The following HS6ST3 variants were observed in gnomAD, a reference collection of about 807,000 sequenced individuals.
HS6ST3 encodes heparan sulfate 6-O-sulfotransferase 3, also known as heparan-sulfate 6-O-sulfotransferase 3.
A neutral mutation model predicts 36.7 loss-of-function variants in HS6ST3; 12 were observed. The ratio of observed to expected loss-of-function variants is 0.33; its 90% CI spans 0.21 to 0.53. The LOEUF is 0.53. Ranked by LOEUF, HS6ST3 falls within the 20% of genes least tolerant of loss-of-function variation. HS6ST3 has a pLI of 0.95. For missense variants in HS6ST3, 584 were observed against 640.9 expected, an observed-to-expected ratio of 0.91 and a Z score of 0.96; for synonymous variants, 240 against 257.5, an observed-to-expected ratio of 0.93 and a Z score of 0.65.
intron 1 of HS6ST3, among the ~76,000 whole-genome samples, chr13:96,363,055 C>G (rs2055246154): frequency 6.6e-6 from 1 of 152,026 alleles, no homozygotes; most frequent in South Asian, 2.1e-4. Flanking sequence ...GCACAGGTGA[C>G]AGAATCGTTC....
intron 1 of HS6ST3, among the ~76,000 whole-genome samples, chr13:96,437,350 T>C (rs1455741117): frequency 6.6e-6 from 1 of 152,252 alleles, no homozygotes; most frequent in African/African-American, 2.4e-5. Context: ...CTGAGTATCA[T>C]CAGCTACTTT....
chr13:96,428,772 T>TCTTTTGGTTAAGATTCTCTG (rs534592744), intron 1 of HS6ST3, among the ~76,000 whole-genome samples: 248 of 152,342 alleles, frequency 1.6e-3, no homozygotes, highest in African/African-American at 5.8e-3. Flanking sequence ...TAACCAGGAA[T>TCTTTTGGTTAAGATTCTCTG]GCAAGTGCTC....
In HS6ST3 at chr13:96,191,392, G is replaced by T. The variant is rs139035598; in HGVS notation, c.707+99823G>T. On this transcript the variant is annotated intron_variant, in intron 1 of 1. Coordinates refer to ENST00000376705, the MANE Select transcript of HS6ST3 (RefSeq NM_153456.4). ...AAGAACACAGTCCTACTGTGCTACA[G>T]TCCTTGTAGTTCTTTGAATGTATCA... Among the ~76,000 whole-genome samples, 386 of 152,312 alleles carry T rather than the reference G, an allele frequency of 2.5e-3. 2 individuals are homozygous for T. Among genetic ancestry groups the T allele is most frequent in the South Asian group, 6.0e-3 (29 of 4,824 alleles).
intron 1 of HS6ST3, among the ~76,000 whole-genome samples, chr13:96,658,165 A>G (rs2056632142): frequency 6.6e-6 from 1 of 151,596 alleles, no homozygotes; most frequent in Non-Finnish European, 1.5e-5. Flanking sequence ...AGATTTATTC[A>G]CATTGTTGCA....
chr13:96,620,976 C>T (rs2056492845), intron 1 of HS6ST3, among the ~76,000 whole-genome samples: 1 of 152,138 alleles, frequency 6.6e-6, no homozygotes, highest in Admixed American at 6.5e-5. Flanking sequence ...CCAAGGAGCT[C>T]AGTCCTAGAC....
chr13:96,770,731 T>C (rs1453782080), intron 1 of HS6ST3, among the ~76,000 whole-genome samples: 1 of 152,242 alleles, frequency 6.6e-6, no homozygotes, highest in Admixed American at 6.5e-5. Flanking sequence ...AGTGCTCACT[T>C]TCATCAAGCT....
chr13:96,211,634 A>C (rs1027004875), intron 1 of HS6ST3, among the ~76,000 whole-genome samples: 3 of 152,196 alleles, frequency 2.0e-5, no homozygotes, highest in Admixed American at 2.0e-4. Context: ...ATATTTTCTT[A>C]TTCCAAAAAT....
chr13:96,331,795 C>T (rs1005523175), intron 1 of HS6ST3, among the ~76,000 whole-genome samples: 3 of 152,160 alleles, frequency 2.0e-5, no homozygotes, highest in African/African-American at 7.2e-5. Context: ...TGCCGCCTTG[C>T]AGTTTGATCT....
chr13:96,392,881 T>C (rs921407411), intron 1 of HS6ST3, among the ~76,000 whole-genome samples: 2 of 152,142 alleles, frequency 1.3e-5, no homozygotes, highest in African/African-American at 4.8e-5. Flanking sequence ...CATTAGCATA[T>C]TGTCATTCTG....
At chr13:96,465,335 AAT>A (rs2139494635) in intron 1 of HS6ST3, among the ~76,000 whole-genome samples, 1 of 152,282 alleles carries the variant, frequency 6.6e-6, no homozygotes, top group East Asian at 1.9e-4. Context: ...CAACAACCCA[AAT>A]GTCCATTGAT....
chr13:96,122,418 A>G (rs962503693), intron 1 of HS6ST3, among the ~76,000 whole-genome samples: 2 of 152,176 alleles, frequency 1.3e-5, no homozygotes, highest in Non-Finnish European at 2.9e-5. Context: ...TCATGATTAT[A>G]CTTTTGCAAA....
At chr13:96,390,926 T>C (rs1291236205) in intron 1 of HS6ST3, among the ~76,000 whole-genome samples, 2 of 152,218 alleles carry the variant, frequency 1.3e-5, no homozygotes, top group African/African-American at 2.4e-5. Flanking sequence ...AAAACTGTCA[T>C]TGTTTCCCGT....
intron 1 of HS6ST3, among the ~76,000 whole-genome samples, chr13:96,195,053 T>C (rs1430886150): frequency 1.3e-5 from 2 of 152,208 alleles, no homozygotes; most frequent in Admixed American, 1.3e-4. Context: ...ATTTCAGATA[T>C]AAAACCATTA....
chr13:96,577,291 T>C (rs774851666), intron 1 of HS6ST3, among the ~76,000 whole-genome samples: 2 of 152,186 alleles, frequency 1.3e-5, no homozygotes, highest in Non-Finnish European at 2.9e-5. Flanking sequence ...CTGTGTTAGT[T>C]TGCTGAGAAT....
chr13:96,377,578 AT>A (rs1235612663), intron 1 of HS6ST3, among the ~76,000 whole-genome samples: 1 of 152,110 alleles, frequency 6.6e-6, no homozygotes, highest in South Asian at 2.1e-4. Context: ...TAGTATTGAG[AT>A]TTTTTTCTAA....
Position 96,361,971 on chromosome 13 carries a change from A to G in HS6ST3, c.707+270402A>G, listed in dbSNP as rs1393074113. On this transcript the variant is annotated intron_variant, in intron 1 of 1. Coordinates refer to ENST00000376705, the MANE Select transcript of HS6ST3 (RefSeq NM_153456.4). ...AAACTGGTTAAAATGCAAATCAATC[A>G]GAAACTCTGGTAATGGGACCCAGCA... Among the ~76,000 whole-genome samples the G allele has an allele frequency of 2.0e-5, 3 of 152,224 alleles. No homozygotes were observed. The East Asian group carries it at 5.8e-4, about 29-fold the overall frequency.
intron 1 of HS6ST3, among the ~76,000 whole-genome samples, chr13:96,259,057 T>G (rs2054651611): frequency 6.6e-6 from 1 of 152,132 alleles, no homozygotes; most frequent in Non-Finnish European, 1.5e-5. Flanking sequence ...GAATTACATA[T>G]GCAGGAAATT....
chr13:96,358,793 C>A (rs73550684), intron 1 of HS6ST3, among the ~76,000 whole-genome samples: 1 of 151,822 alleles, frequency 6.6e-6, no homozygotes, highest in Admixed American at 6.6e-5. Flanking sequence ...TCTTCAAAGA[C>A]GCATGCTGAA....
chr13:96,288,262 A>C (rs771674915), intron 1 of HS6ST3, among the ~76,000 whole-genome samples: 12 of 152,160 alleles, frequency 7.9e-5, no homozygotes, highest in Non-Finnish European at 1.3e-4. Flanking sequence ...ACACATATGA[A>C]TTTGTTATTG....
Sources: allele counts gnomAD v4.1 joint callset (sites outside exome capture counted in the v4.1 genomes callset), GRCh38; gene constraint gnomAD v4.1.1; transcripts MANE v1.5; gene names NCBI Gene and HGNC (gene_info 2026-07-23, HGNC 2026-07-21).